DNER: variants seen among roughly 807,000 people sequenced by gnomAD.
DNER encodes delta and Notch-like epidermal growth factor-related receptor.
A neutral mutation model predicts 78.2 loss-of-function variants in DNER; 33 were observed. The ratio of observed to expected loss-of-function variants is 0.42; its 90% CI spans 0.32 to 0.56. DNER has a LOEUF of 0.56. Ranked by LOEUF, DNER falls within the 20% of genes least tolerant of loss-of-function variation. The pLI is 0.11. For missense variants in DNER, 918 were observed against 975.3 expected (o/e 0.94, Z 0.78); for synonymous variants, 417 against 384.8 (o/e 1.08, Z -0.98).
At position 229,566,113 on chromosome 2, in the gene DNER, T is replaced by C. The variant is rs563990200; in HGVS notation, c.848-19021A>G. ...AATGGGAGATTCTAAACATAGCTAA[T>C]TGGGCTGCAGATGACTTCATAAACG... is the stretch of plus-strand genomic sequence containing the variant. On this transcript the variant is annotated intron_variant, in intron 4 of 12. Transcript: ENST00000341772. Among the ~76,000 whole-genome samples the C allele has an allele frequency of 2.6e-5, 4 of 152,290 alleles. No individual in the cohort carries two copies. In the East Asian group the frequency reaches 5.8e-4, roughly 22 times the overall value.
chr2:229,652,123 A>G (rs1267492950), intron 1 of DNER, among the ~76,000 whole-genome samples: 1 of 152,238 alleles, frequency 6.6e-6, no homozygotes, highest in African/African-American at 2.4e-5. Context: ...CATCAAAAGA[A>G]AAAAGGAGCC....
At chr2:229,533,594 T>C (rs10187356) in intron 5 of DNER, among the ~76,000 whole-genome samples, 6,422 of 152,244 alleles carry the variant, frequency 0.042, 442 homozygotes, top group African/African-American at 0.15. Context: ...GGAATGTGCG[T>C]ACCAGGCCCT....
chr2:229,513,058 CTT>C, intron 5 of DNER, 122 bp from the exon 6 acceptor site: 9 of 1,107,744 alleles, frequency 8.1e-6, no homozygotes, highest in Admixed American at 2.7e-5. Context: ...AATCAAATCA[CTT>C]ATGTCATAAT....
At position 229,523,230 on chromosome 2, in the gene DNER, T is replaced by C. The variant is rs538762170; in HGVS notation, c.994-10294A>G. On this transcript the variant is annotated intron_variant, in intron 5 of 12. Transcript: ENST00000341772. Reference sequence around the variant, plus strand: ...TGCTGTCCTGGTCCCAGAGATCTCATGTCACTCCAGAATGCTAACAACCCC... The same window carrying C: ...TGCTGTCCTGGTCCCAGAGATCTCACGTCACTCCAGAATGCTAACAACCCC... Among the ~76,000 whole-genome samples the C allele has an allele frequency of 2.6e-5, 4 of 152,350 alleles. No homozygotes were observed. The East Asian group carries it at 7.7e-4, about 29-fold the overall frequency.
At chr2:229,424,130 GTGCCCTGGGTAC>G (rs1375834930) in intron 8 of DNER, among the ~76,000 whole-genome samples, 3 of 152,198 alleles carry the variant, frequency 2.0e-5, no homozygotes, top group African/African-American at 7.2e-5. Context: ...GACCTTCCAG[GTGCCCTGGGTAC>G]TGCCTACAAA....
At chr2:229,416,590 C>T (rs892589235) in intron 9 of DNER, among the ~76,000 whole-genome samples, 1 of 152,192 alleles carries the variant, frequency 6.6e-6, no homozygotes, top group Non-Finnish European at 1.5e-5. Context: ...GAGATCAGTA[C>T]ACCCCTCTGC....
chr2:229,665,083 C>T (rs922032110), intron 1 of DNER, among the ~76,000 whole-genome samples: 1 of 152,070 alleles, frequency 6.6e-6, no homozygotes, highest in Admixed American at 6.6e-5. Context: ...GCAATATAAA[C>T]TTCATTAGGG....
At chr2:229,500,447 G>C (rs1695595001) in intron 6 of DNER, among the ~76,000 whole-genome samples, 1 of 152,158 alleles carries the variant, frequency 6.6e-6, no homozygotes, top group Non-Finnish European at 1.5e-5. Context: ...ATGCAAAGTA[G>C]TGTAACTATT....
At chr2:229,425,189 G>A (rs1559348169) in intron 8 of DNER, among the ~76,000 whole-genome samples, 2 of 152,138 alleles carry the variant, frequency 1.3e-5, no homozygotes, top group Non-Finnish European at 2.9e-5. Flanking sequence ...AAGGAAACAG[G>A]CCCTGGGTAT....
chr2:229,682,337 T>C (rs976405567), intron 1 of DNER, among the ~76,000 whole-genome samples: 3 of 152,220 alleles, frequency 2.0e-5, no homozygotes, highest in African/African-American at 7.2e-5. Context: ...TTCAGAAGAC[T>C]CAATATTTTC....
chr2:229,516,800 A>AAGAAG (rs1553536936), intron 5 of DNER, among the ~76,000 whole-genome samples: 1 of 131,240 alleles, frequency 7.6e-6, no homozygotes, highest in Non-Finnish European at 1.6e-5. Context: ...AAAAAAAAAA[A>AAGAAG]AAAAGAAAAG....
chr2:229,458,677 A>T (rs539313424), intron 7 of DNER, among the ~76,000 whole-genome samples: 89 of 152,086 alleles, frequency 5.9e-4, no homozygotes, highest in African/African-American at 2.1e-3. Flanking sequence ...ATACTCAATG[A>T]TGAAATAATA....
intron 1 of DNER, among the ~76,000 whole-genome samples, chr2:229,667,659 T>A (rs1333625478): frequency 6.6e-6 from 1 of 152,194 alleles, no homozygotes; most frequent in Non-Finnish European, 1.5e-5. Flanking sequence ...GTGGGTCCCC[T>A]ATGTTTGTCA....
rs1692122865 is a variant in DNER, at chr2:229,357,881, AATCAGAATT to A, written c.*650_*658del. ...TTAAAGAAAAATATAGATTCAAATCAATCAGAATTTGCCTCGCTAGGCCTTTTCGTTACG... is the reference window on the plus strand; with the variant it reads ...TTAAAGAAAAATATAGATTCAAATCATGCCTCGCTAGGCCTTTTCGTTACG... On this transcript the variant is annotated 3_prime_UTR_variant, in exon 13 of 13. Coordinates refer to ENST00000341772, the MANE Select transcript of DNER (RefSeq NM_139072.4). The A allele has an allele frequency of 6.6e-6, 1 of 152,634 alleles. No homozygotes were observed. The highest frequency in any genetic ancestry group is 2.4e-5 in the African/African-American group (1 of 41,468). The allele number at this position is 152,634 out of a possible 1,614,324, so 9.5% of individuals were successfully genotyped here. A position where few individuals can be genotyped will look rare whatever the true frequency, so the allele number is the denominator to read the frequency against.
At chr2:229,422,717 G>C (rs1178369982) in intron 8 of DNER, among the ~76,000 whole-genome samples, 1 of 152,090 alleles carries the variant, frequency 6.6e-6, no homozygotes, top group African/African-American at 2.4e-5. Context: ...AGAGCACTTT[G>C]GGAATTAGTT....
intron 1 of DNER, among the ~76,000 whole-genome samples, chr2:229,593,304 T>G (rs1384257986): frequency 1.3e-5 from 2 of 152,176 alleles, no homozygotes; most frequent in East Asian, 3.9e-4. Flanking sequence ...TCTCTCTCCA[T>G]GGACTATACC....
chr2:229,474,078 A>G (rs6739318), intron 7 of DNER, among the ~76,000 whole-genome samples: 18,861 of 151,840 alleles, frequency 0.12, 1,294 homozygotes, highest in South Asian at 0.2. Flanking sequence ...GCTAAATTTT[A>G]TATTTTTAGT....
At chr2:229,453,228 G>T (rs1056208413) in intron 7 of DNER, among the ~76,000 whole-genome samples, 2 of 152,186 alleles carry the variant, frequency 1.3e-5, no homozygotes, top group Non-Finnish European at 2.9e-5. Context: ...CTCTCCAATT[G>T]TTAAGTGTTA....
intron 4 of DNER, among the ~76,000 whole-genome samples, chr2:229,553,599 G>A (rs560202689): frequency 1.3e-5 from 2 of 152,272 alleles, no homozygotes; most frequent in Non-Finnish European, 1.5e-5. Context: ...TGACATGTCC[G>A]GCCTGCCCAT....
Sources: gnomAD v4.1 joint callset for allele counts (sites outside exome capture counted in the v4.1 genomes callset) on GRCh38, gnomAD v4.1.1 for gene constraint, MANE v1.5 for transcripts, NCBI Gene and HGNC (gene_info 2026-07-23, HGNC 2026-07-21) for gene names.